ANAPC10: variants seen among roughly 807,000 people sequenced by gnomAD.
The protein encoded by ANAPC10 is anaphase promoting complex subunit 10, also known as anaphase-promoting complex subunit 10.
Under a neutral mutation model 22.0 loss-of-function variants are expected in ANAPC10, and 12 were observed. That is an observed-to-expected ratio of 0.55 (90% CI 0.35 to 0.88). The LOEUF (loss-of-function observed/expected upper bound fraction) is 0.88. ANAPC10 is among the 40% of genes least tolerant of loss of function. The pLI is 0.01. For missense variants in ANAPC10, 188 were observed against 220.9 expected (o/e 0.85, Z 0.94); for synonymous variants, 65 against 69.5 (o/e 0.94, Z 0.32).
chr4:145,066,406 G>A (rs1311633564), intron 3 of ANAPC10, among the ~76,000 whole-genome samples: 1 of 152,048 alleles, frequency 6.6e-6, no homozygotes, highest in African/African-American at 2.4e-5. Flanking sequence ...CTTTTTCCTT[G>A]ATGAGCCATA....
intron 4 of ANAPC10, among the ~76,000 whole-genome samples, chr4:145,057,352 T>C (rs1264020950): frequency 6.6e-6 from 1 of 152,158 alleles, no homozygotes; most frequent in African/African-American, 2.4e-5. Flanking sequence ...AGTGTTTCAG[T>C]CCCTATCTGC....
intron 4 of ANAPC10, among the ~76,000 whole-genome samples, chr4:144,999,988 C>A (rs1732262188): frequency 6.6e-6 from 1 of 152,156 alleles, no homozygotes; most frequent in Non-Finnish European, 1.5e-5. Context: ...GCTGGGAAAA[C>A]TGGCTAGCCA....
At chr4:145,072,093 T>A (rs539119282) in intron 3 of ANAPC10, among the ~76,000 whole-genome samples, 1 of 152,116 alleles carries the variant, frequency 6.6e-6, no homozygotes, top group Non-Finnish European at 1.5e-5. Flanking sequence ...GGGAGAGGAA[T>A]AAAACTTAAA....
intron 4 of ANAPC10, among the ~76,000 whole-genome samples, chr4:145,045,199 AACTG>A (rs1235919677): frequency 1.3e-5 from 2 of 152,130 alleles, no homozygotes; most frequent in African/African-American, 2.4e-5. Flanking sequence ...AATTTGCATT[AACTG>A]ACTGTTTACT....
At chr4:145,055,653 G>A (rs576189716) in intron 4 of ANAPC10, among the ~76,000 whole-genome samples, 3 of 152,066 alleles carry the variant, frequency 2.0e-5, no homozygotes, top group South Asian at 4.2e-4. Context: ...AAGTAAGCTA[G>A]TCAAAAAAGG....
chr4:145,090,220 CTA>C (rs1222227946), intron 2 of ANAPC10, among the ~76,000 whole-genome samples: 1 of 152,146 alleles, frequency 6.6e-6, no homozygotes, highest in Admixed American at 6.5e-5. Context: ...CAAATCATCT[CTA>C]GATTACTTAT....
chr4:145,020,838 C>CAA (rs1257128175), intron 4 of ANAPC10, among the ~76,000 whole-genome samples: 1 of 140,086 alleles, frequency 7.1e-6, no homozygotes, highest in African/African-American at 2.6e-5. Context: ...ACAATAGCTG[C>CAA]AAAAAAAAAA....
intron 4 of ANAPC10, among the ~76,000 whole-genome samples, chr4:145,007,331 A>C (rs1201993327): frequency 6.6e-6 from 1 of 152,184 alleles, no homozygotes; most frequent in African/African-American, 2.4e-5. Flanking sequence ...GATGAACAGA[A>C]TATACATTCT....
At chr4:145,097,694 G>T in intron 1 of ANAPC10, 1 of 423,110 alleles carries the variant, frequency 2.4e-6, no homozygotes, top group Non-Finnish European at 4.6e-6. Flanking sequence ...TTGCCTGCAA[G>T]TTAGGTGAGA....
In ANAPC10 at chr4:145,061,833, C is replaced by T. The variant is rs865802154; in HGVS notation, c.327+2739G>A. ...ATTGGTCCAAAAATAAGAGGCCAGG[C>T]GCGGTGGCTCAAACCTGTAATCTCA... is the stretch of plus-strand genomic sequence containing the variant. On this transcript the variant is annotated intron_variant, in intron 4 of 4. Coordinates refer to ENST00000507656, the MANE Select transcript of ANAPC10 (RefSeq NM_001256706.2). 3.9e-5 allele frequency among the ~76,000 whole-genome samples: 6 copies of T among 152,160 alleles called. 1 individual carries two copies. Among genetic ancestry groups the T allele is most frequent in the African/African-American group, 7.2e-5 (3 of 41,520 alleles).
At chr4:145,075,453 G>C (rs896387694) in intron 3 of ANAPC10, among the ~76,000 whole-genome samples, 2 of 151,990 alleles carry the variant, frequency 1.3e-5, no homozygotes, top group African/African-American at 2.4e-5. Flanking sequence ...TGGCCAACTA[G>C]ATGTGGCCAG....
chr4:145,073,360 C>G (rs536521161), intron 3 of ANAPC10, among the ~76,000 whole-genome samples: 1 of 152,272 alleles, frequency 6.6e-6, no homozygotes, highest in South Asian at 2.1e-4. Context: ...CTGTTGTTCA[C>G]CTGTTACCTG....
At chr4:145,015,866 T>C (rs1735039953) in intron 4 of ANAPC10, among the ~76,000 whole-genome samples, 1 of 152,080 alleles carries the variant, frequency 6.6e-6, no homozygotes, top group Non-Finnish European at 1.5e-5. Context: ...AGATACAGTG[T>C]TTTCCAGACA....
At chr4:145,075,176 C>G (rs1745021653) in intron 3 of ANAPC10, among the ~76,000 whole-genome samples, 1 of 151,966 alleles carries the variant, frequency 6.6e-6, no homozygotes, top group Admixed American at 6.6e-5. Flanking sequence ...TTTTAGCAAC[C>G]ACATCACACT....
chr4:145,042,701 C>T lies in ANAPC10; in HGVS notation c.327+21871G>A, dbSNP rs374321985. On this transcript the variant is annotated intron_variant, in intron 4 of 4. Transcript: ENST00000507656. ...AATGTTTCACTACACTCAGAAAACA[C>T]AGAGTCTTTATTCCAAGAGGAACTT... Among the ~76,000 whole-genome samples the T allele has an allele frequency of 3.7e-4, 56 of 152,032 alleles. No individual in the cohort carries two copies. The South Asian group carries it at 0.012, about 32-fold the overall frequency.
At chr4:145,013,572 T>C (rs544102867) in intron 4 of ANAPC10, among the ~76,000 whole-genome samples, 1 of 152,256 alleles carries the variant, frequency 6.6e-6, no homozygotes, top group Admixed American at 6.5e-5. Flanking sequence ...GACTTCATCA[T>C]GGTGGATGGG....
intron 4 of ANAPC10, among the ~76,000 whole-genome samples, chr4:145,013,248 C>A (rs1734623805): frequency 6.6e-6 from 1 of 151,950 alleles, no homozygotes; most frequent in Non-Finnish European, 1.5e-5. Context: ...TAAGAAAGAA[C>A]CTTTACAAAC....
intron 4 of ANAPC10, among the ~76,000 whole-genome samples, chr4:145,024,024 G>C (rs1240826590): frequency 6.6e-6 from 1 of 152,158 alleles, no homozygotes; most frequent in Non-Finnish European, 1.5e-5. Context: ...TTTTGACAAT[G>C]TGTTCACAGC....
intron 4 of ANAPC10, among the ~76,000 whole-genome samples, chr4:144,997,705 G>C (rs1458685971): frequency 6.6e-6 from 1 of 152,126 alleles, no homozygotes; most frequent in South Asian, 2.1e-4. Context: ...ACATCACAAT[G>C]ACAGGAACAA....
Sources: allele counts gnomAD v4.1 joint callset (sites outside exome capture counted in the v4.1 genomes callset), GRCh38; gene constraint gnomAD v4.1.1; transcripts MANE v1.5; gene names NCBI Gene and HGNC (gene_info 2026-07-23, HGNC 2026-07-21).